EEF2KMT: variants seen among roughly 807,000 people sequenced by gnomAD.
EEF2KMT encodes protein-lysine N-methyltransferase EEF2KMT.
EEF2KMT carries 30 observed loss-of-function variants against 35.1 expected under a neutral mutation model. The observed-to-expected ratio is 0.85, with a 90% CI of 0.64 to 1.16. The LOEUF is 1.16. EEF2KMT is among the 50% of genes most tolerant of loss of function. The probability of loss-of-function intolerance (pLI) is 0.00; values close to 1 mark genes in which losing one functional copy is unlikely to be tolerated. For synonymous variants in EEF2KMT, 190 were observed against 187.7 expected (o/e 1.01, Z -0.10); for missense variants, 499 against 438.2 (o/e 1.14, Z -1.24).
At position 5,091,877 on chromosome 16, in the gene EEF2KMT, C is replaced by G. The variant is rs769951038; in HGVS notation, c.259G>C (p.Glu87Gln). Residue 87 changes from glutamate to glutamine, a missense_variant, in exon 4 of 8, where the codon GAG (glutamate) becomes CAG (glutamine). By Grantham distance (29) the Glu-to-Gln change is conservative. Transcript: ENST00000427587. ...LIKKHEAVHT[E>Q]PLDELYEALA... ...GCTTCATACAGCTCGTCCAAAGGCTCTGTGTGGACAGCCTCGTGCTGGGGG... is the reference window on the plus strand; with the variant it reads ...GCTTCATACAGCTCGTCCAAAGGCTGTGTGTGGACAGCCTCGTGCTGGGGG... The G allele has an allele frequency of 3.7e-6, 6 of 1,611,790 alleles. No individual in the cohort carries two copies. The South Asian group carries it at 6.6e-5, about 18-fold the overall frequency.
chr16:5,095,335 G>GT, intron 2 of EEF2KMT, 117 bp downstream of exon 2: 4 of 1,532,284 alleles, frequency 2.6e-6, no homozygotes, highest in Non-Finnish European at 3.6e-6. Flanking sequence ...CAATGGTTTT[G>GT]TTTTTTGAAC....
Position 5,085,678 on chromosome 16 carries a change from G to A in EEF2KMT, c.947C>T (p.Pro316Leu), listed in dbSNP as rs1451195477. The change falls in exon 8 of 8, where the codon CCC becomes CTC. Residue 316 changes from proline (P) to leucine (L), a missense_variant. Pro to Leu is a moderately conservative substitution (Grantham distance 98, BLOSUM62 -3). Transcript: ENST00000427587. ...VEPRHEQKLF[P>L]YEEHLEMAML... ...TGCCATCTCCAAGTGCTCTTCGTAG[G>A]GAAACAGTTTCTGCTCATGACGAGG... The A allele has an allele frequency of 1.2e-6, 2 of 1,611,910 alleles. No homozygotes were observed. The highest frequency in any genetic ancestry group is 2.2e-5 in the South Asian group (2 of 90,992).
chr16:5,095,564 T>C (rs1957441404), intron 1 of EEF2KMT, 50 bp from the exon 2 acceptor site: 1 of 1,609,058 alleles, frequency 6.2e-7, no homozygotes, highest in Non-Finnish European at 8.5e-7. Flanking sequence ...CACAGGAACA[T>C]TAAACACGCA....
chr16:5,092,253 C>T (rs529988732), intron 3 of EEF2KMT, among the ~76,000 whole-genome samples: 1 of 152,246 alleles, frequency 6.6e-6, no homozygotes, highest in Admixed American at 6.5e-5. Flanking sequence ...GACAAGGATT[C>T]CGTGAGAGTT....
Position 5,090,102 on chromosome 16 carries a change from C to A in EEF2KMT, c.724G>T (p.Asp242Tyr), listed in dbSNP as rs757565797. 14 of 1,606,660 alleles carry A rather than the reference C, an allele frequency of 8.7e-6. No homozygotes were observed. The highest frequency in any genetic ancestry group is 1.2e-5 in the Non-Finnish European group (14 of 1,179,840). Residue 242 changes from aspartate (D) to tyrosine (Y), a missense_variant, in exon 6 of 8, where the codon GAT (aspartate) becomes TAT (tyrosine). By Grantham distance (160) the Asp-to-Tyr change is radical (BLOSUM62 -3). Transcript: ENST00000427587. This position sits in a 1 kb window ranked among gnomAD's most constrained non-coding sequence, Gnocchi z 4.1. The stretch of plus-strand genomic sequence containing the variant: ...GCATTACCTGCTGCAATGACAACAT[C>A]TGGCTGGAAGGCAGAGAGCTGATGG... ...TVHQLSAFQP[D>Y]VVIAADVLYC... is the part of the protein sequence containing the mutation.
intron 7 of EEF2KMT, among the ~76,000 whole-genome samples, chr16:5,086,208 G>T (rs1957159170): frequency 6.6e-6 from 1 of 152,074 alleles, no homozygotes; most frequent in African/African-American, 2.4e-5. Flanking sequence ...GATGGCGAGT[G>T]CCTGTAATCC....
chr16:5,093,491 A>C lies in EEF2KMT; in HGVS notation c.233T>G (p.Ile78Ser). The C allele has an allele frequency of 6.2e-7, 1 of 1,611,966 alleles. No homozygotes were observed. Among genetic ancestry groups the C allele is most frequent in the Admixed American group, 1.7e-5 (1 of 60,018 alleles). The part of the protein sequence containing the change: ...KYARCFLSEL[I>S]KKHEAVHTEP... ...ACACTGCCCATAACTGACCTTTTTGATGAGTTCTGAGAGAAAGCACCGGGC... is the reference window on the plus strand; with the variant it reads ...ACACTGCCCATAACTGACCTTTTTGCTGAGTTCTGAGAGAAAGCACCGGGC... Residue 78 changes from isoleucine (I) to serine (S), a missense_variant, in exon 3 of 8, where the codon ATC becomes AGC. Physicochemically the swap from Ile to Ser is moderately radical, Grantham distance 142. Transcript: ENST00000427587.
chr16:5,093,421 G>C, intron 3 of EEF2KMT, 63 bp downstream of exon 3: 5 of 1,609,950 alleles, frequency 3.1e-6, no homozygotes, highest in South Asian at 2.2e-5. Flanking sequence ...GGGAAGGACG[G>C]GGGCTCCAGC....
chr16:5,086,133 C>G (rs1337794919), intron 7 of EEF2KMT, among the ~76,000 whole-genome samples: 1 of 152,098 alleles, frequency 6.6e-6, no homozygotes, highest in Admixed American at 6.5e-5. Flanking sequence ...GTCAGGAGTT[C>G]GAGACCAGCC....
intron 7 of EEF2KMT, 124 bp downstream of exon 7, chr16:5,088,983 C>A: frequency 6.3e-7 from 1 of 1,588,410 alleles, no homozygotes; most frequent in East Asian, 2.2e-5. Flanking sequence ...GCCTGAGTTC[C>A]CCCCATGGTG....
At chr16:5,092,171 G>C (rs1297161791) in intron 3 of EEF2KMT, among the ~76,000 whole-genome samples, 1 of 152,178 alleles carries the variant, frequency 6.6e-6, no homozygotes, top group Non-Finnish European at 1.5e-5. Flanking sequence ...TCACTTGGTA[G>C]GGAAACCTGG....
chr16:5,097,404 C>G lies in EEF2KMT; in HGVS notation c.96+240G>C, dbSNP rs946612902. On this transcript the variant is annotated intron_variant, in intron 1 of 7. Transcript: ENST00000427587. ...TGAACTGTACCCCACACCGAGCGCG[C>G]GTCTGCCCCCCAAGGCTGTGGAGAC... The G allele has an allele frequency of 1.0e-5, 15 of 1,462,110 alleles. No individual in the cohort carries two copies. The African/African-American group carries it at 2.0e-4, about 19-fold the overall frequency. 90.6% of individuals were successfully genotyped at this position (1,462,110 alleles called of 1,614,324 possible).
chr16:5,089,986 A>G (rs1167546835), intron 6 of EEF2KMT, 98 bp downstream of exon 6: 1 of 1,542,308 alleles, frequency 6.5e-7, no homozygotes, highest in East Asian at 2.4e-5. Context: ...CATCATGTCC[A>G]TGCCCGACAG....
chr16:5,091,673 A>C, intron 4 of EEF2KMT, 121 bp downstream of exon 4: 1 of 1,488,234 alleles, frequency 6.7e-7, no homozygotes, highest in Non-Finnish European at 9.0e-7. Flanking sequence ...AGGTTGACGG[A>C]CCTCATGTCT....
Position 5,090,050 on chromosome 16 carries a change from C to G in EEF2KMT, c.742+34G>C. On this transcript the variant is annotated intron_variant, in intron 6 of 7. Coordinates refer to ENST00000427587, the MANE Select transcript of EEF2KMT (RefSeq NM_201400.4). This position sits in a 1 kb window ranked among gnomAD's most constrained non-coding sequence, Gnocchi z 4.1. ...AGAGCTGGGTAGAGCTGCAAGGACA[C>G]CACCTGCACAGGGTGCCCGGGGCTG... 4.4e-6 allele frequency: 7 copies of G among 1,599,374 alleles called. No individual in the cohort carries two copies. Among genetic ancestry groups the G allele is most frequent in the Non-Finnish European group, 5.9e-6 (7 of 1,179,710 alleles).
Position 5,090,163 on chromosome 16 carries a change from C to G in EEF2KMT, c.663G>C (p.Val221=), listed in dbSNP as rs1256510979. 6.2e-7 allele frequency: 1 copy of G among 1,611,428 alleles called. No individual in the cohort carries two copies. Among genetic ancestry groups the G allele is most frequent in the Non-Finnish European group, 8.5e-7 (1 of 1,179,870 alleles). The change falls in exon 6 of 8, where the codon GTG becomes GTC. Residue 221 remains valine, a synonymous_variant. Transcript: ENST00000427587. The surrounding 1 kb of genome is among the most constrained non-coding windows in gnomAD (Gnocchi z 4.1). ...CGTCCCAGTCCAGCTGGGCCACTGT[C>G]ACCCTGGGGCTGTCTAACTTGGCAG... ...DITAKLDSPR[V]TVAQLDWDVA... is the part of the protein sequence containing the mutation.
intron 7 of EEF2KMT, among the ~76,000 whole-genome samples, chr16:5,088,408 C>T (rs977359457): frequency 5.9e-5 from 9 of 152,164 alleles, no homozygotes; most frequent in Admixed American, 2.0e-4. Context: ...CATCTGTGCA[C>T]ATGGCTGCCA....
intron 1 of EEF2KMT, 187 bp downstream of exon 1, chr16:5,097,457 G>C: frequency 2.1e-6 from 3 of 1,416,040 alleles, no homozygotes; most frequent in Non-Finnish European, 2.8e-6. Context: ...CCAGCTCGCG[G>C]GGCAGGAGGG....
chr16:5,093,386 G>T, intron 3 of EEF2KMT, 98 bp downstream of exon 3: 1 of 1,581,032 alleles, frequency 6.3e-7, no homozygotes, highest in South Asian at 1.1e-5. Context: ...GCCATGCTGG[G>T]GTTTGCAAAG....
Sources: gnomAD v4.1 joint callset for allele counts (sites outside exome capture counted in the v4.1 genomes callset) on GRCh38, gnomAD v4.1.1 for gene constraint, Gnocchi (gnomAD v3.1) non-coding constraint, MANE v1.5 for transcripts, NCBI Gene and HGNC (gene_info 2026-07-23, HGNC 2026-07-21) for gene names.